GDF7: variants seen among roughly 807,000 people sequenced by gnomAD.
GDF7 encodes the protein growth/differentiation factor 7.
Under a neutral mutation model 13.4 loss-of-function variants are expected in GDF7, and 12 were observed. The observed-to-expected ratio is 0.90, with a 90% CI of 0.57 to 1.45. The LOEUF is 1.45. GDF7 is among the 40% of genes most tolerant of loss of function. The pLI is 0.00. For synonymous variants in GDF7, 330 were observed against 306.4 expected, an observed-to-expected ratio of 1.08 and a Z score of -0.80; for missense variants, 651 against 652.4, an observed-to-expected ratio of 1.00 and a Z score of 0.02.
rs993462251 is a variant in GDF7 at position 20,676,501 on chromosome 2, C to G, written c.*5076C>G. ...TGAGTGAGGCTGTTGTGAAAGAAGC[C>G]TGTTTTTTTCAGGAGGGCCACCGTC... On this transcript the variant is annotated 3_prime_UTR_variant, in exon 2 of 2. Transcript: ENST00000272224. 6.6e-6 allele frequency: 1 copy of G among 152,226 alleles called. No homozygotes were observed. The allele number at this position is 152,226 out of a possible 1,614,324, so 9.4% of individuals were successfully genotyped here.
In GDF7 at chr2:20,671,266, T is replaced by C. The variant is rs1362665638; in HGVS notation, c.1194T>C (p.Ile398=). 1.2e-6 allele frequency: 2 copies of C among 1,613,810 alleles called. No individual in the cohort carries two copies. The highest frequency in any genetic ancestry group is 1.7e-6 in the Non-Finnish European group (2 of 1,179,962). ...TCGAGCCCACCAACCATGCCATCAT[T>C]CAGACGCTGCTCAACTCCATGGCAC... ...SHLEPTNHAI[I]QTLLNSMAPD... The change falls in exon 2 of 2, where the codon ATT becomes ATC. Residue 398 remains isoleucine, a synonymous_variant. Coordinates refer to ENST00000272224, the MANE Select transcript of GDF7 (RefSeq NM_182828.4).
chr2:20,667,234 G>C lies in GDF7; in HGVS notation c.-6G>C, dbSNP rs1057367437. 2.5e-6 allele frequency: 3 copies of C among 1,193,840 alleles called. No individual in the cohort carries two copies. The highest frequency in any genetic ancestry group is 1.6e-5 in the African/African-American group (1 of 61,446). 74.0% of individuals were successfully genotyped at this position (1,193,840 alleles called of 1,614,324 possible). A position where few individuals can be genotyped will look rare whatever the true frequency, so the allele number is the denominator to read the frequency against. ...GCGCCGCCCGCCCGCCCGGCCCACGGAGCCCATGGACCTGAGCGCCGCCGC... is the reference window on the plus strand; with the variant it reads ...GCGCCGCCCGCCCGCCCGGCCCACGCAGCCCATGGACCTGAGCGCCGCCGC... On this transcript the variant is annotated 5_prime_UTR_variant, in exon 1 of 2. Transcript: ENST00000272224. The surrounding 1 kb of genome is among the most constrained non-coding windows in gnomAD (Gnocchi z 6.4).
intron 1 of GDF7, among the ~76,000 whole-genome samples, chr2:20,669,823 C>T (rs1011212386): frequency 3.3e-5 from 5 of 152,248 alleles, no homozygotes; most frequent in South Asian, 2.1e-4. Context: ...AAGGTCTCTG[C>T]GGCCGTGCAG....
chr2:20,667,444 C>A lies in GDF7; in HGVS notation c.205C>A (p.Arg69=). ...GGCTGTCCCGGCCGCCGCGGTTCCC[C>A]GGGCCCGCGCCGCGCGCCGCGCCGC... The part of the protein sequence containing the change: ...AAAVPAAAVP[R]ARAARRAAGS... Residue 69 remains arginine, a synonymous_variant, in exon 1 of 2, where the codon CGG becomes AGG. Transcript: ENST00000272224. This position sits in a 1 kb window ranked among gnomAD's most constrained non-coding sequence, Gnocchi z 6.4. 9.0e-7 allele frequency: 1 copy of A among 1,106,088 alleles called. No individual in the cohort carries two copies. Among genetic ancestry groups the A allele is most frequent in the Non-Finnish European group, 1.1e-6 (1 of 905,738 alleles). The allele number at this position is 1,106,088 out of a possible 1,614,324, so 68.5% of individuals were successfully genotyped here.
Position 20,676,983 on chromosome 2 carries a change from G to C in GDF7, c.*5558G>C, listed in dbSNP as rs944724093. On this transcript the variant is annotated 3_prime_UTR_variant, in exon 2 of 2. Coordinates refer to ENST00000272224, the MANE Select transcript of GDF7 (RefSeq NM_182828.4). The stretch of plus-strand genomic sequence containing the variant: ...ATCTGTGCATGGTGCGCATGTGTCT[G>C]TGACAACAGAAAGGGTGGGTTTCTC... The C allele has an allele frequency of 1.2e-4, 18 of 152,272 alleles. No individual in the cohort carries two copies. Among genetic ancestry groups the C allele is most frequent in the Admixed American group, 4.6e-4 (7 of 15,292 alleles). 9.4% of individuals were successfully genotyped at this position (152,272 alleles called of 1,614,324 possible). A position where few individuals can be genotyped will look rare whatever the true frequency, so the allele number is the denominator to read the frequency against.
chr2:20,671,615 G>A lies in GDF7; in HGVS notation c.*190G>A. 1 of 628,488 alleles carries A rather than the reference G, an allele frequency of 1.6e-6. No individual in the cohort carries two copies. Among genetic ancestry groups the A allele is most frequent in the Non-Finnish European group, 2.7e-6 (1 of 365,842 alleles). 38.9% of individuals were successfully genotyped at this position (628,488 alleles called of 1,614,324 possible). On this transcript the variant is annotated 3_prime_UTR_variant, in exon 2 of 2. Coordinates refer to ENST00000272224, the MANE Select transcript of GDF7 (RefSeq NM_182828.4). ...CACACATTTACCGGGGACAGCATGT[G>A]AAAGCCTTGGGAAGAGATGACCTGC...
chr2:20,667,669 TCCTGGGCTGAGACCAGCC>T lies in GDF7; in HGVS notation c.391+42_391+59del. ...TTCTGTGCCCGCCCATCCCGTCAGG[TCCTGGGCTGAGACCAGCC>T]CCGGAGCCGTGCCGCAGCTCCGTTA... On this transcript the variant is annotated intron_variant, in intron 1 of 1. Transcript: ENST00000272224. The surrounding 1 kb of genome is among the most constrained non-coding windows in gnomAD (Gnocchi z 6.4). 1.5e-6 allele frequency: 2 copies of T among 1,345,248 alleles called. No homozygotes were observed. Among genetic ancestry groups the T allele is most frequent in the Non-Finnish European group, 1.9e-6 (2 of 1,049,170 alleles). 83.3% of individuals were successfully genotyped at this position (1,345,248 alleles called of 1,614,324 possible). A position where few individuals can be genotyped will look rare whatever the true frequency, so the allele number is the denominator to read the frequency against.
At position 20,667,901 on chromosome 2, in the gene GDF7, C is replaced by T. The variant is rs970485593; in HGVS notation, c.391+271C>T. 4.6e-5 allele frequency among the ~76,000 whole-genome samples: 7 copies of T among 152,188 alleles called. 1 individual carries two copies. Among genetic ancestry groups the T allele is most frequent in the Admixed American group, 2.6e-4 (4 of 15,286 alleles). ...GGCCTTGCAGGCCGGCTGGTCCCCTCGAGGAGGCAGGCGGAGGCCAAGATT... is the reference window on the plus strand; with the variant it reads ...GGCCTTGCAGGCCGGCTGGTCCCCTTGAGGAGGCAGGCGGAGGCCAAGATT... On this transcript the variant is annotated intron_variant, in intron 1 of 1. Coordinates refer to ENST00000272224, the MANE Select transcript of GDF7 (RefSeq NM_182828.4). This position sits in a 1 kb window ranked among gnomAD's most constrained non-coding sequence, Gnocchi z 6.4.
chr2:20,671,324 G>C lies in GDF7; in HGVS notation c.1252G>C (p.Ala418Pro), dbSNP rs1249284161. 6 of 1,613,588 alleles carry C rather than the reference G, an allele frequency of 3.7e-6. No individual in the cohort carries two copies. The highest frequency in any genetic ancestry group is 5.1e-6 in the Non-Finnish European group (6 of 1,179,922). Residue 418 changes from alanine to proline, a missense_variant, in exon 2 of 2, where the codon GCG becomes CCG. By Grantham distance (27) the Ala-to-Pro change is conservative (BLOSUM62 -1). Around this residue, in one of 4 missense-constraint regions of GDF7, gnomAD observed 101 missense variants for 139.2 expected, o/e 0.73. Transcript: ENST00000272224. ...GGCGCCGGCCTCCTGCTGTGTGCCAGCGCGCCTCAGCCCCATCAGCATCCT... is the reference window on the plus strand; with the variant it reads ...GGCGCCGGCCTCCTGCTGTGTGCCACCGCGCCTCAGCCCCATCAGCATCCT... ...DAAPASCCVP[A>P]RLSPISILYI...
chr2:20,670,941 C>T lies in GDF7; in HGVS notation c.869C>T (p.Ala290Val), dbSNP rs752350384. ...LFREIRAQAR[A>V]LGAALASEPL... ...CGGGAGATCCGCGCCCAGGCCCGCG[C>T]GCTCGGGGCCGCTCTGGCCTCAGAG... Residue 290 changes from alanine to valine, a missense_variant, in exon 2 of 2, where the codon GCG becomes GTG. Ala to Val is a moderately conservative substitution (Grantham distance 64). Around this residue, in one of 4 missense-constraint regions of GDF7, gnomAD observed 487 missense variants for 445.9 expected, o/e 1.09. Coordinates refer to ENST00000272224, the MANE Select transcript of GDF7 (RefSeq NM_182828.4). 46 of 1,567,742 alleles carry T rather than the reference C, an allele frequency of 2.9e-5. No homozygotes were observed. Among genetic ancestry groups the T allele is most frequent in the Non-Finnish European group, 3.9e-5 (45 of 1,165,580 alleles).
In GDF7 at chr2:20,673,114, A is replaced by ATC; in HGVS notation, c.*1689_*1690insTC. 1 of 152,166 alleles carries ATC rather than the reference A, an allele frequency of 6.6e-6. No homozygotes were observed. The highest frequency in any genetic ancestry group is 1.5e-5 in the Non-Finnish European group (1 of 68,034). 9.4% of individuals were successfully genotyped at this position (152,166 alleles called of 1,614,324 possible). A position where few individuals can be genotyped will look rare whatever the true frequency, so the allele number is the denominator to read the frequency against. On this transcript the variant is annotated 3_prime_UTR_variant, in exon 2 of 2. Transcript: ENST00000272224. Reference sequence around the variant, plus strand: ...TTCTCAGTGATTACACTCTTGAGAGAGAGAAGACAGACTTACGATTTAGAT... The same window carrying ATC: ...TTCTCAGTGATTACACTCTTGAGAGATCGAGAAGACAGACTTACGATTTAGAT...
Position 20,671,390 on chromosome 2 carries a change from G to A in GDF7, c.1318G>A (p.Glu440Lys). 1.9e-6 allele frequency: 3 copies of A among 1,612,246 alleles called. No individual in the cohort carries two copies. Among genetic ancestry groups the A allele is most frequent in the South Asian group, 2.2e-5 (2 of 90,988 alleles). ...AANNVVYKQY[E>K]DMVVEACGCR ...CAACAACGTTGTCTACAAGCAATACGAGGACATGGTGGTGGAGGCCTGCGG... is the reference window on the plus strand; with the variant it reads ...CAACAACGTTGTCTACAAGCAATACAAGGACATGGTGGTGGAGGCCTGCGG... Residue 440 changes from glutamate (E) to lysine (K), a missense_variant, in exon 2 of 2, where the codon GAG becomes AAG. By Grantham distance (56) the Glu-to-Lys change is moderately conservative (BLOSUM62 1). Transcript: ENST00000272224.
chr2:20,671,373 T>C lies in GDF7; in HGVS notation c.1301T>C (p.Val434Ala), dbSNP rs369544272. ...CTCTACATCGACGCCGCCAACAACGTTGTCTACAAGCAATACGAGGACATG... is the reference window on the plus strand; with the variant it reads ...CTCTACATCGACGCCGCCAACAACGCTGTCTACAAGCAATACGAGGACATG... ...SILYIDAANNVVYKQYEDMVV... is the reference protein window; with the variant it reads ...SILYIDAANNAVYKQYEDMVV... The change falls in exon 2 of 2, where the codon GTT becomes GCT. Residue 434 changes from valine to alanine, a missense_variant. Physicochemically the swap from Val to Ala is moderately conservative, Grantham distance 64. Coordinates refer to ENST00000272224, the MANE Select transcript of GDF7 (RefSeq NM_182828.4). The C allele has an allele frequency of 2.5e-6, 4 of 1,612,258 alleles. No homozygotes were observed. Among genetic ancestry groups the C allele is most frequent in the Non-Finnish European group, 3.4e-6 (4 of 1,179,602 alleles).
Position 20,672,212 on chromosome 2 carries a change from G to C in GDF7, c.*787G>C, listed in dbSNP as rs1019116850. ...ATTTTTCTTTTAAACGGCTGAGTCT[G>C]ATCTAACAGGATATTGGGGTGGGAT... On this transcript the variant is annotated 3_prime_UTR_variant, in exon 2 of 2. Transcript: ENST00000272224. 4 of 149,578 alleles carry C rather than the reference G, an allele frequency of 2.7e-5. No individual in the cohort carries two copies. The highest frequency in any genetic ancestry group is 5.9e-5 in the Non-Finnish European group (4 of 67,620). The allele number at this position is 149,578 out of a possible 1,614,324, so 9.3% of individuals were successfully genotyped here.
At position 20,671,401 on chromosome 2, in the gene GDF7, G is replaced by A; in HGVS notation, c.1329G>A (p.Val443=). The change falls in exon 2 of 2, where the codon GTG becomes GTA. Residue 443 remains valine (V), a synonymous_variant. Transcript: ENST00000272224. The part of the protein sequence containing the change: ...NVVYKQYEDM[V]VEACGCR ...TCTACAAGCAATACGAGGACATGGT[G>A]GTGGAGGCCTGCGGCTGCAGGTAGC... 2 of 1,611,978 alleles carry A rather than the reference G, an allele frequency of 1.2e-6. No homozygotes were observed. Among genetic ancestry groups the A allele is most frequent in the Non-Finnish European group, 1.7e-6 (2 of 1,179,194 alleles).
chr2:20,670,528 C>T lies in GDF7; in HGVS notation c.456C>T (p.Asp152=). ...ACGTGTCCAGCCTTAACGACGCAGA[C>T]GAGGTGGTGGGTGCCGAGCTGCGCG... The part of the protein sequence containing the change: ...LFDVSSLNDA[D]EVVGAELRVL... The change falls in exon 2 of 2, where the codon GAC becomes GAT. Residue 152 remains aspartate, a synonymous_variant. Coordinates refer to ENST00000272224, the MANE Select transcript of GDF7 (RefSeq NM_182828.4). 6.2e-7 allele frequency: 1 copy of T among 1,600,744 alleles called. No homozygotes were observed. Among genetic ancestry groups the T allele is most frequent in the Non-Finnish European group, 8.5e-7 (1 of 1,174,932 alleles).
At position 20,667,677 on chromosome 2, in the gene GDF7, TGAGAC is replaced by T; in HGVS notation, c.391+48_391+52del. The T allele has an allele frequency of 7.6e-7, 1 of 1,315,154 alleles. No individual in the cohort carries two copies. Among genetic ancestry groups the T allele is most frequent in the Non-Finnish European group, 9.7e-7 (1 of 1,028,958 alleles). The allele number at this position is 1,315,154 out of a possible 1,614,324, so 81.5% of individuals were successfully genotyped here. A position where few individuals can be genotyped will look rare whatever the true frequency, so the allele number is the denominator to read the frequency against. The stretch of plus-strand genomic sequence containing the variant: ...CCGCCCATCCCGTCAGGTCCTGGGC[TGAGAC>T]CAGCCCCGGAGCCGTGCCGCAGCTC... On this transcript the variant is annotated intron_variant, in intron 1 of 1. Coordinates refer to ENST00000272224, the MANE Select transcript of GDF7 (RefSeq NM_182828.4). This position sits in a 1 kb window ranked among gnomAD's most constrained non-coding sequence, Gnocchi z 6.4.
chr2:20,668,654 C>A (rs35148785), intron 1 of GDF7, among the ~76,000 whole-genome samples: 36,351 of 152,176 alleles, frequency 0.24, 4,854 homozygotes, highest in Non-Finnish European at 0.31. Context: ...TGACAGTCAG[C>A]ATACCTCAGG....
rs144349838 is a variant in GDF7 at position 20,671,182 on chromosome 2, G to T, written c.1110G>T (p.Pro370=). Residue 370 remains proline, a synonymous_variant, in exon 2 of 2, where the codon CCG becomes CCT. Transcript: ENST00000272224. ...ELGWDDWIIA[P]LDYEAYHCEG... ...GCTGGGACGACTGGATCATCGCGCC[G>T]CTGGACTACGAGGCGTACCACTGCG... 1.7e-4 allele frequency: 278 copies of T among 1,613,566 alleles called. 1 individual carries two copies. The African/African-American group carries it at 3.3e-3, about 19-fold the overall frequency.
Sources: allele counts gnomAD v4.1 joint callset (sites outside exome capture counted in the v4.1 genomes callset), GRCh38; gene constraint gnomAD v4.1.1; regional missense constraint gnomAD v4.1.1; non-coding constraint Gnocchi (gnomAD v3.1); transcripts MANE v1.5; gene names NCBI Gene and HGNC (gene_info 2026-07-23, HGNC 2026-07-21).